The following VPS4B variants were observed in gnomAD, a reference collection of about 807,000 sequenced individuals.
VPS4B encodes the protein vacuolar protein sorting 4 homolog B.
In VPS4B, 23 loss-of-function variants were observed where a neutral mutation model predicts 56.1. The observed-to-expected ratio is 0.41, with a 90% CI of 0.30 to 0.58. The LOEUF (loss-of-function observed/expected upper bound fraction) is 0.58, where lower values mean the gene tolerates loss of function less well. Ranked by LOEUF, VPS4B falls within the 20% of genes least tolerant of loss-of-function variation. VPS4B has a pLI of 0.29. For synonymous variants in VPS4B, 177 were observed against 186.0 expected (o/e 0.95, Z 0.39); for missense variants, 372 against 531.9 (o/e 0.70, Z 2.96).
At chr18:63,414,280 G>C (rs966888985) in intron 1 of VPS4B, among the ~76,000 whole-genome samples, 1 of 151,402 alleles carries the variant, frequency 6.6e-6, no homozygotes, top group African/African-American at 2.4e-5. Flanking sequence ...TGAGTCAGGA[G>C]AATCGCTTGA....
chr18:63,415,670 G>GA, intron 1 of VPS4B: 1 of 244,668 alleles, frequency 4.1e-6, no homozygotes. Flanking sequence ...GTTCCAGCAC[G>GA]ATGTGCAGCA....
rs369784908 is a variant in VPS4B at position 63,406,513 on chromosome 18, A to T, written c.364+919T>A. On this transcript the variant is annotated intron_variant, in intron 4 of 10. Coordinates refer to ENST00000238497, the MANE Select transcript of VPS4B (RefSeq NM_004869.4). ...TCCCAGTTATGCATTCTATTTGGTA[A>T]GATTCAAATGAACAAAATACATACT... Among the ~76,000 whole-genome samples, 19 of 152,246 alleles carry T rather than the reference A, an allele frequency of 1.2e-4. No homozygotes were observed. In the East Asian group the frequency reaches 1.3e-3, roughly 11 times the overall value.
chr18:63,394,968 T>G (rs998640301), intron 9 of VPS4B, among the ~76,000 whole-genome samples: 10 of 152,368 alleles, frequency 6.6e-5, no homozygotes, highest in African/African-American at 2.2e-4. Context: ...GGTCCCAGAT[T>G]AGTATTTTAG....
At chr18:63,420,218 G>A (rs966857482) in intron 1 of VPS4B, among the ~76,000 whole-genome samples, 17 of 152,084 alleles carry the variant, frequency 1.1e-4, no homozygotes, top group Non-Finnish European at 2.4e-4. Flanking sequence ...AGGCTAAGGC[G>A]GGCGGATCAC....
intron 7 of VPS4B, among the ~76,000 whole-genome samples, chr18:63,399,707 A>C (rs72946571): frequency 0.27 from 40,585 of 152,038 alleles, 6,035 homozygotes; most frequent in East Asian, 0.49. Flanking sequence ...AGATAATTAC[A>C]ATTGAGTAAA....
chr18:63,401,844 T>G (rs1241662690), intron 5 of VPS4B, among the ~76,000 whole-genome samples: 1 of 151,878 alleles, frequency 6.6e-6, no homozygotes, highest in African/African-American at 2.4e-5. Context: ...AATACAAAAA[T>G]TAGCTGGGTG....
At chr18:63,408,447 C>T (rs1599362625) in intron 3 of VPS4B, among the ~76,000 whole-genome samples, 1 of 152,142 alleles carries the variant, frequency 6.6e-6, no homozygotes. Flanking sequence ...ACTATAAAGG[C>T]TGTCCTTATT....
chr18:63,411,882 G>A (rs1392425653), intron 1 of VPS4B, among the ~76,000 whole-genome samples: 3 of 151,974 alleles, frequency 2.0e-5, no homozygotes, highest in Admixed American at 1.3e-4. Flanking sequence ...CTTAGCTAAA[G>A]TTAAATTTAG....
intron 2 of VPS4B, among the ~76,000 whole-genome samples, chr18:63,410,912 G>A (rs1916026297): frequency 6.6e-6 from 1 of 152,140 alleles, no homozygotes; most frequent in African/African-American, 2.4e-5. Context: ...TACCAACATC[G>A]TAAATTTTAC....
chr18:63,420,695 C>A (rs1916277534), intron 1 of VPS4B, among the ~76,000 whole-genome samples: 2 of 152,038 alleles, frequency 1.3e-5, no homozygotes, highest in South Asian at 4.1e-4. Context: ...CAAAAAGCTA[C>A]AAAAAACTCA....
intron 1 of VPS4B, among the ~76,000 whole-genome samples, chr18:63,414,742 A>C (rs924933738): frequency 5.3e-5 from 8 of 152,178 alleles, no homozygotes; most frequent in Non-Finnish European, 5.9e-5. Context: ...GCCTAGAAAT[A>C]AGCTCTTTCT....
At chr18:63,391,725 T>C (rs1915553958) in intron 10 of VPS4B, among the ~76,000 whole-genome samples, 1 of 152,240 alleles carries the variant, frequency 6.6e-6, no homozygotes, top group Non-Finnish European at 1.5e-5. Context: ...TTAAACGAGA[T>C]CAATTTTCCA....
At chr18:63,421,074 A>AAAAC (rs1777596024) in intron 1 of VPS4B, among the ~76,000 whole-genome samples, 1 of 152,026 alleles carries the variant, frequency 6.6e-6, no homozygotes, top group Non-Finnish European at 1.5e-5. Flanking sequence ...GAAAAGGAAA[A>AAAAC]AAACACAGAC....
chr18:63,395,794 C>T (rs1915655925), intron 9 of VPS4B, among the ~76,000 whole-genome samples: 1 of 152,194 alleles, frequency 6.6e-6, no homozygotes, highest in Non-Finnish European at 1.5e-5. Context: ...TTTATCTCAG[C>T]CACAGATGCT....
chr18:63,398,511 C>T (rs1444258941), intron 8 of VPS4B, among the ~76,000 whole-genome samples: 1 of 151,560 alleles, frequency 6.6e-6, no homozygotes. Context: ...TGAGCCACCA[C>T]ACCCGGCCTG....
Position 63,420,475 on chromosome 18 carries a change from A to T in VPS4B, c.27+1758T>A, listed in dbSNP as rs116140023. Among the ~76,000 whole-genome samples the T allele has an allele frequency of 9.7e-3, 1,474 of 152,188 alleles. 20 individuals are homozygous for T. The highest frequency in any genetic ancestry group is 0.034 in the African/African-American group (1,407 of 41,518). ...CAACAACAACAAAAACCTGCAAATG[A>T]TGAAGATTATGTTGTAGAGTATCGA... On this transcript the variant is annotated intron_variant, in intron 1 of 10. Coordinates refer to ENST00000238497, the MANE Select transcript of VPS4B (RefSeq NM_004869.4).
chr18:63,403,614 A>G, intron 5 of VPS4B, 93 bp downstream of exon 5: 1 of 1,289,540 alleles, frequency 7.8e-7, no homozygotes, highest in Non-Finnish European at 1.0e-6. Flanking sequence ...TATTTAAGAT[A>G]ATTCATTAGT....
intron 1 of VPS4B, among the ~76,000 whole-genome samples, chr18:63,417,022 G>A (rs1311390754): frequency 6.6e-6 from 1 of 152,142 alleles, no homozygotes; most frequent in Non-Finnish European, 1.5e-5. Flanking sequence ...CATGAGGACA[G>A]GACTTCACCT....
intron 10 of VPS4B, among the ~76,000 whole-genome samples, chr18:63,392,983 T>G (rs1022527774): frequency 6.6e-6 from 1 of 152,150 alleles, no homozygotes; most frequent in African/African-American, 2.4e-5. Flanking sequence ...TGGCCTCAAG[T>G]GGTCTGCCCG....
Sources: gnomAD v4.1 joint callset for allele counts (sites outside exome capture counted in the v4.1 genomes callset) on GRCh38, gnomAD v4.1.1 for gene constraint, MANE v1.5 for transcripts, NCBI Gene and HGNC (gene_info 2026-07-23, HGNC 2026-07-21) for gene names.